The following TENM2 variants were observed in gnomAD, a reference collection of about 807,000 sequenced individuals.
The protein encoded by TENM2 is teneurin transmembrane protein 2, also known as teneurin-2.
A neutral mutation model predicts 245.2 loss-of-function variants in TENM2; 52 were observed. The observed-to-expected ratio is 0.21, with a 90% CI of 0.17 to 0.27. TENM2 has a LOEUF of 0.27. Among genes scored for constraint, TENM2 ranks in the 10% least tolerant of loss-of-function variants. The pLI is 1.00. For synonymous variants in TENM2, 1,363 were observed against 1,438.9 expected, an observed-to-expected ratio of 0.95 and a Z score of 1.19; for missense variants, 3,046 against 3,666.8, an observed-to-expected ratio of 0.83 and a Z score of 4.37.
chr5:168,256,198 G>A (rs1399428063), intron 27 of TENM2, among the ~76,000 whole-genome samples: 1 of 148,962 alleles, frequency 6.7e-6, no homozygotes, highest in East Asian at 1.9e-4. Flanking sequence ...CCTAGATATG[G>A]CAAATATATA....
At chr5:167,929,767 G>A (rs1583402405) in intron 3 of TENM2, among the ~76,000 whole-genome samples, 1 of 152,194 alleles carries the variant, frequency 6.6e-6, no homozygotes, top group East Asian at 1.9e-4. Flanking sequence ...ATTGCTACAT[G>A]GGAGAGTGGA....
chr5:168,231,443 G>C (rs1485364199), intron 25 of TENM2, among the ~76,000 whole-genome samples: 1 of 152,258 alleles, frequency 6.6e-6, no homozygotes, highest in African/African-American at 2.4e-5. Context: ...CTAATTCAGT[G>C]TGGCAGTGGA....
intron 2 of TENM2, among the ~76,000 whole-genome samples, chr5:167,420,722 C>CT (rs1026189539): frequency 7.9e-5 from 12 of 152,132 alleles, no homozygotes; most frequent in Non-Finnish European, 1.6e-4. Context: ...GATACCTCGT[C>CT]TTTTTCCGAC....
intron 5 of TENM2, among the ~76,000 whole-genome samples, chr5:167,997,605 T>C (rs1248714244): frequency 6.6e-6 from 1 of 152,210 alleles, no homozygotes; most frequent in African/African-American, 2.4e-5. Flanking sequence ...CCATAGACGG[T>C]GTGTAAATGA....
At chr5:167,995,707 C>A (rs1309896512) in intron 5 of TENM2, among the ~76,000 whole-genome samples, 1 of 152,174 alleles carries the variant, frequency 6.6e-6, no homozygotes, top group Non-Finnish European at 1.5e-5. Context: ...TGGTTATTTA[C>A]GTGCAGAAAC....
the TENM2 span, among the ~76,000 whole-genome samples, chr5:167,121,297 A>G: frequency 1.3e-5 from 2 of 152,168 alleles, no homozygotes; most frequent in African/African-American, 4.8e-5. Context: ...GGGTGTGGTG[A>G]TGGGAAACAA....
intron 2 of TENM2, among the ~76,000 whole-genome samples, chr5:167,741,447 G>GTGT (rs1475383846): frequency 1.3e-5 from 2 of 152,180 alleles, no homozygotes; most frequent in African/African-American, 4.8e-5. Context: ...CACTTAAAGT[G>GTGT]TGTTGTTCTC....
chr5:167,562,928 G>A (rs1185021268), intron 2 of TENM2, among the ~76,000 whole-genome samples: 1 of 148,352 alleles, frequency 6.7e-6, no homozygotes, highest in Non-Finnish European at 1.5e-5. Context: ...CTGCACTCCA[G>A]CCTGGGCAAC....
At chr5:167,174,228 A>G in the TENM2 span, among the ~76,000 whole-genome samples, 1 of 152,084 alleles carries the variant, frequency 6.6e-6, no homozygotes, top group Non-Finnish European at 1.5e-5. Flanking sequence ...CATACCCTGC[A>G]TGTAATACAT....
chr5:167,828,619 G>T (rs991418104), intron 2 of TENM2, among the ~76,000 whole-genome samples: 7 of 152,030 alleles, frequency 4.6e-5, no homozygotes, highest in Non-Finnish European at 8.8e-5. Flanking sequence ...AATAATAAAT[G>T]ATATTCTTAA....
At chr5:167,115,616 A>G in the TENM2 span, among the ~76,000 whole-genome samples, 106,853 of 152,176 alleles carry the variant, frequency 0.7, 39,057 homozygotes, top group African/African-American at 0.9. Context: ...GTTATAAATA[A>G]TACTTCTGCC....
the TENM2 span, among the ~76,000 whole-genome samples, chr5:167,234,890 G>T: frequency 6.6e-6 from 1 of 152,064 alleles, no homozygotes; most frequent in East Asian, 1.9e-4. Flanking sequence ...TCTCTACCTT[G>T]TATGGTTTCC....
chr5:167,000,543 A>G, the TENM2 span, among the ~76,000 whole-genome samples: 1 of 152,198 alleles, frequency 6.6e-6, no homozygotes, highest in Non-Finnish European at 1.5e-5. Context: ...TGGGTAAAGA[A>G]TTCTGTGTGC....
intron 9 of TENM2, 81 bp downstream of exon 11, chr5:168,098,208 C>G: frequency 1.1e-6 from 1 of 947,542 alleles, no homozygotes; most frequent in South Asian, 1.4e-5. Context: ...AAGGGACATC[C>G]AAGTAGCCTT....
intron 2 of TENM2, among the ~76,000 whole-genome samples, chr5:167,391,072 C>T (rs1380966116): frequency 1.3e-5 from 2 of 152,168 alleles, no homozygotes; most frequent in Admixed American, 1.3e-4. Context: ...ACCCACCTAC[C>T]CATCACATAC....
the TENM2 span, among the ~76,000 whole-genome samples, chr5:167,050,693 A>G: frequency 6.6e-6 from 1 of 152,154 alleles, no homozygotes. Context: ...GACACTGAGA[A>G]CAGCAAAGAT....
At chr5:168,158,322 T>C (rs1041654484) in intron 12 of TENM2, among the ~76,000 whole-genome samples, 3 of 152,158 alleles carry the variant, frequency 2.0e-5, no homozygotes, top group Non-Finnish European at 4.4e-5. Flanking sequence ...AGAGAGGAAG[T>C]CTCTATTATC....
intron 25 of TENM2, among the ~76,000 whole-genome samples, chr5:168,237,108 C>T (rs1299577669): frequency 7.2e-6 from 1 of 139,524 alleles, no homozygotes; most frequent in Non-Finnish European, 1.5e-5. Flanking sequence ...CTCCACCTCC[C>T]GGGTTCAAGC....
chr5:168,214,244 A>G (rs1367096761), intron 20 of TENM2, among the ~76,000 whole-genome samples: 7 of 152,332 alleles, frequency 4.6e-5, no homozygotes, highest in African/African-American at 1.7e-4. Flanking sequence ...AGCCAGACAC[A>G]TGGCAGGGGA....
Sources: allele counts gnomAD v4.1 joint callset (sites outside exome capture counted in the v4.1 genomes callset), GRCh38; gene constraint gnomAD v4.1.1; transcripts MANE v1.5; gene names NCBI Gene and HGNC (gene_info 2026-07-23, HGNC 2026-07-21).